The following COL18A1 variants were observed in gnomAD, a reference collection of about 807,000 sequenced individuals.
The protein encoded by COL18A1 is collagen type XVIII alpha 1 chain.
Under a neutral mutation model 168.0 loss-of-function variants are expected in COL18A1, and 133 were observed. The ratio of observed to expected loss-of-function variants is 0.79; its 90% CI spans 0.69 to 0.91. The LOEUF is 0.91. Ranked by LOEUF, COL18A1 falls within the 40% of genes least tolerant of loss-of-function variation. The pLI, the probability that COL18A1 is intolerant of heterozygous loss-of-function variation, is 0.00. For synonymous variants in COL18A1, 949 were observed against 809.0 expected, an observed-to-expected ratio of 1.17 and a Z score of -2.94; for missense variants, 2,126 against 1,925.4, an observed-to-expected ratio of 1.10 and a Z score of -1.95.
intron 29 of COL18A1, chr21:45,495,689 T>G: frequency 2.1e-6 from 1 of 476,498 alleles, no homozygotes; most frequent in Non-Finnish European, 3.9e-6. Context: ...TCTATGCACA[T>G]ACATGCCCAT....
At chr21:45,476,101 C>T (rs2035638811) in intron 5 of COL18A1, among the ~76,000 whole-genome samples, 1 of 151,612 alleles carries the variant, frequency 6.6e-6, no homozygotes, top group Admixed American at 6.6e-5. Context: ...GCCTGTCGGG[C>T]GCCGGGAGGC....
intron 20 of COL18A1, among the ~76,000 whole-genome samples, 176 bp from the exon 21 acceptor site, chr21:45,490,660 G>GGCTCTCT (rs71185154): frequency 6.7e-6 from 1 of 149,126 alleles, no homozygotes; most frequent in East Asian, 2.0e-4. Context: ...GCCCACTCCC[G>GGCTCTCT]GAGCGCCAGG....
intron 2 of COL18A1, among the ~76,000 whole-genome samples, chr21:45,466,014 G>T (rs1209336111): frequency 6.6e-6 from 1 of 152,186 alleles, no homozygotes; most frequent in East Asian, 1.9e-4. Context: ...GGAGGTGTCA[G>T]ACAAAGCCGA....
intron 2 of COL18A1, among the ~76,000 whole-genome samples, chr21:45,413,473 T>C (rs912978964): frequency 6.6e-5 from 10 of 152,198 alleles, no homozygotes; most frequent in African/African-American, 2.2e-4. Flanking sequence ...CCCTCGGCTG[T>C]CAGGAGACTT....
At chr21:45,495,197 G>A (rs899385801) in intron 28 of COL18A1, 161 bp from the exon 29 acceptor site, 40 of 695,800 alleles carry the variant, frequency 5.7e-5, no homozygotes, top group African/African-American at 4.7e-4. Flanking sequence ...CCTTGTGCAG[G>A]AAAGGGGTGA....
intron 11 of COL18A1, 99 bp from the exon 12 acceptor site, chr21:45,480,368 A>G (rs1456404464): frequency 5.6e-6 from 9 of 1,606,984 alleles, no homozygotes; most frequent in Non-Finnish European, 7.6e-6. Flanking sequence ...AGCTCCTTGT[A>G]GAAACAGCTC....
chr21:45,475,563 C>T (rs369830317), intron 5 of COL18A1, 28 bp downstream of exon 5: 107 of 1,588,910 alleles, frequency 6.7e-5, no homozygotes, highest in Non-Finnish European at 7.7e-5. Context: ...GCCCAGCCCA[C>T]GCTGCAGGGT....
Position 45,504,072 on chromosome 21 carries a change from G to A in COL18A1, c.2727+18G>A, listed in dbSNP as rs769684867. On this transcript the variant is annotated intron_variant, in intron 33 of 41. Transcript: ENST00000651438. ...AAATGAAGGTGGGTGACCTCCCTGT[G>A]GGGTTGGGGGCCCCCAAGGTCCTGT... 2 of 1,613,364 alleles carry A rather than the reference G, an allele frequency of 1.2e-6. No individual in the cohort carries two copies. Among genetic ancestry groups the A allele is most frequent in the Non-Finnish European group, 1.7e-6 (2 of 1,179,908 alleles).
At chr21:45,487,286 C>T (rs1296657916) in intron 16 of COL18A1, among the ~76,000 whole-genome samples, 161 bp from the exon 17 acceptor site, 1 of 152,196 alleles carries the variant, frequency 6.6e-6, no homozygotes, top group Non-Finnish European at 1.5e-5. Flanking sequence ...CCACCCAGGC[C>T]CTGCCACCAG....
intron 5 of COL18A1, 29 bp downstream of exon 5, chr21:45,475,564 G>A (rs751983571): frequency 1.9e-4 from 305 of 1,588,172 alleles, no homozygotes; most frequent in South Asian, 3.0e-4. Flanking sequence ...CCCAGCCCAC[G>A]CTGCAGGGTC....
intron 2 of COL18A1, among the ~76,000 whole-genome samples, chr21:45,460,336 G>A (rs2052931118): frequency 6.6e-6 from 1 of 152,142 alleles, no homozygotes; most frequent in Admixed American, 6.5e-5. Flanking sequence ...TGCCACCGGG[G>A]TGCTCGGGAG....
chr21:45,450,363 C>T (rs945031344), intron 2 of COL18A1, among the ~76,000 whole-genome samples: 1 of 152,118 alleles, frequency 6.6e-6, no homozygotes, highest in East Asian at 1.9e-4. Context: ...GGGAGACCCG[C>T]GGAGAGGCAG....
intron 25 of COL18A1, 96 bp from the exon 26 acceptor site, chr21:45,493,405 G>A (rs932225746): frequency 3.2e-5 from 43 of 1,325,664 alleles, no homozygotes; most frequent in Non-Finnish European, 4.0e-5. Context: ...CCCAGCCTGC[G>A]AGGCCCAGTC....
Position 45,485,857 on chromosome 21 carries a change from G to A in COL18A1, c.1702-1004G>A, listed in dbSNP as rs566886294. Among the ~76,000 whole-genome samples the A allele has an allele frequency of 1.0e-3, 158 of 152,350 alleles. 2 individuals carry two copies. The Middle Eastern group carries it at 0.031, about 30-fold the overall frequency. ...GGCCTGTGACCATATCAAGGCAGCG[G>A]GTCACATTCCTGCCCCATTTGTGGA... On this transcript the variant is annotated intron_variant, in intron 15 of 41. Coordinates refer to ENST00000651438, the MANE Select transcript of COL18A1 (RefSeq NM_001379500.1).
intron 2 of COL18A1, among the ~76,000 whole-genome samples, chr21:45,422,941 C>T (rs905237165): frequency 4.6e-5 from 7 of 152,132 alleles, no homozygotes; most frequent in Non-Finnish European, 7.3e-5. Context: ...GCATGCACCA[C>T]CATGTCCAGC....
Position 45,496,574 on chromosome 21 carries a change from T to C in COL18A1, c.2577+6T>C, listed in dbSNP as rs1231263218. 7.2e-7 allele frequency: 1 copy of C among 1,392,724 alleles called. No individual in the cohort carries two copies. The highest frequency in any genetic ancestry group is 1.0e-6 in the Non-Finnish European group (1 of 982,096). 86.3% of individuals were successfully genotyped at this position (1,392,724 alleles called of 1,614,324 possible). On this transcript the variant is annotated splice_donor_region_variant and intron_variant, in intron 30 of 41. Transcript: ENST00000651438. ...CTCCTGTTTACGACAGCAATGTAAG[T>C]CCCCAGGGCACCCACTGTCCTACAG...
At chr21:45,474,993 C>T (rs1030759968) in intron 4 of COL18A1, among the ~76,000 whole-genome samples, 1 of 152,220 alleles carries the variant, frequency 6.6e-6, no homozygotes, top group African/African-American at 2.4e-5. Context: ...GCACCCCTCC[C>T]CTGGCCTGTC....
chr21:45,472,368 C>T (rs1451826289), intron 3 of COL18A1, among the ~76,000 whole-genome samples: 2 of 152,192 alleles, frequency 1.3e-5, no homozygotes, highest in African/African-American at 2.4e-5. Flanking sequence ...GGACTACAGG[C>T]GCCCGCCACC....
rs531477575 is a variant in COL18A1, at chr21:45,482,389, G to A, written c.1674+364G>A. Reference sequence around the variant, plus strand: ...TTTGTGGGTGGACCTGGCGGGAGTCGCCTGCGTCTGGCCCCCTGGGGAGCG... The same window carrying A: ...TTTGTGGGTGGACCTGGCGGGAGTCACCTGCGTCTGGCCCCCTGGGGAGCG... On this transcript the variant is annotated intron_variant, in intron 14 of 41. Transcript: ENST00000651438. 283 of 634,162 alleles carry A rather than the reference G, an allele frequency of 4.5e-4. 2 individuals carry two copies. Among genetic ancestry groups the A allele is most frequent in the Admixed American group, 1.5e-3 (72 of 49,542 alleles). The allele number at this position is 634,162 out of a possible 1,614,324, so 39.3% of individuals were successfully genotyped here. A position where few individuals can be genotyped will look rare whatever the true frequency, so the allele number is the denominator to read the frequency against.
Sources: gnomAD v4.1 joint callset for allele counts (sites outside exome capture counted in the v4.1 genomes callset) on GRCh38, gnomAD v4.1.1 for gene constraint, MANE v1.5 for transcripts, NCBI Gene and HGNC (gene_info 2026-07-23, HGNC 2026-07-21) for gene names.